The following IQGAP1 variants were observed in gnomAD, a reference collection of about 807,000 sequenced individuals.
IQGAP1 encodes the protein IQ motif containing GTPase activating protein 1.
IQGAP1 carries 66 observed loss-of-function variants against 215.6 expected under a neutral mutation model. The ratio of observed to expected loss-of-function variants is 0.31; its 90% CI spans 0.25 to 0.38. IQGAP1 has a LOEUF of 0.38. Ranked by LOEUF, IQGAP1 falls within the 10% of genes least tolerant of loss-of-function variation. The pLI is 1.00. For missense variants in IQGAP1, 1,712 were observed against 1,997.1 expected (o/e 0.86, Z 2.72); for synonymous variants, 772 against 728.7 (o/e 1.06, Z -0.96).
chr15:90,402,408 A>G (rs1272856258), intron 2 of IQGAP1, among the ~76,000 whole-genome samples: 1 of 152,212 alleles, frequency 6.6e-6, no homozygotes, highest in Admixed American at 6.5e-5. Context: ...AGGCCTGTCT[A>G]AAAGCTCTAT....
At chr15:90,396,623 A>G (rs538759142) in intron 2 of IQGAP1, among the ~76,000 whole-genome samples, 1 of 152,134 alleles carries the variant, frequency 6.6e-6, no homozygotes, top group East Asian at 1.9e-4. Context: ...GGTGACATAC[A>G]CTATTTTAAG....
rs776690353 is a variant in IQGAP1, at chr15:90,429,647, A to G, written c.371A>G (p.Asp124Gly). Residue 124 changes from aspartate (D) to glycine (G), a missense_variant, in exon 4 of 38, where the codon GAT (aspartate) becomes GGT (glycine). Asp to Gly is a moderately conservative substitution (Grantham distance 94). Coordinates refer to ENST00000268182, the MANE Select transcript of IQGAP1 (RefSeq NM_003870.4). ...DNVIQWLNAM[D>G]EIGLPKIFYP... ...GTGATTCAGTGGTTGAATGCCATGG[A>G]TGAGATTGGATTGCCTAAGGTAACT... The G allele has an allele frequency of 5.6e-6, 9 of 1,607,504 alleles. No homozygotes were observed. The highest frequency in any genetic ancestry group is 5.4e-5 in the African/African-American group (4 of 74,566).
In IQGAP1 at chr15:90,473,913, G is replaced by C; in HGVS notation, c.2451G>C (p.Arg817Ser). 6.2e-7 allele frequency: 1 copy of C among 1,613,878 alleles called. No individual in the cohort carries two copies. Among genetic ancestry groups the C allele is most frequent in the Non-Finnish European group, 8.5e-7 (1 of 1,179,984 alleles). ...TTCCACAGATTCAGTCCCTGGCAAGGATGCACCAAGCTCGAAAGCGCTATC... is the reference window on the plus strand; with the variant it reads ...TTCCACAGATTCAGTCCCTGGCAAGCATGCACCAAGCTCGAAAGCGCTATC... ...DEVVKIQSLARMHQARKRYRD... is the reference protein window; with the variant it reads ...DEVVKIQSLASMHQARKRYRD... Residue 817 changes from arginine (R) to serine (S), a missense_variant, in exon 21 of 38, where the codon AGG (arginine) becomes AGC (serine). Coordinates refer to ENST00000268182, the MANE Select transcript of IQGAP1 (RefSeq NM_003870.4).
intron 4 of IQGAP1, chr15:90,429,943 G>C (rs939952665): frequency 8.6e-6 from 2 of 231,298 alleles, no homozygotes; most frequent in Non-Finnish European, 1.7e-5. Context: ...TTTTTCCTTA[G>C]ATAGAATTCA....
At chr15:90,482,586 G>C in intron 28 of IQGAP1, 1 of 421,850 alleles carries the variant, frequency 2.4e-6, no homozygotes. Flanking sequence ...CTGGCGAATA[G>C]TAGCAGGCAC....
chr15:90,494,741 G>C lies in IQGAP1; in HGVS notation c.4657G>C (p.Gly1553Arg), dbSNP rs1427183643. The change falls in exon 36 of 38, where the codon GGA becomes CGA. Residue 1553 changes from glycine to arginine, a missense_variant. By Grantham distance (125) the Gly-to-Arg change is moderately radical. Transcript: ENST00000268182. ...KVSKKPREMKGKKSKKISLKY... is the reference protein window; with the variant it reads ...KVSKKPREMKRKKSKKISLKY... ...CTCCAAAAAGCCTAGGGAAATGAAA[G>C]GAAAGAAAAGCAAAAAGATTTCTCT... is the stretch of plus-strand genomic sequence containing the variant. 1 of 1,609,162 alleles carries C rather than the reference G, an allele frequency of 6.2e-7. No homozygotes were observed. Among genetic ancestry groups the C allele is most frequent in the Non-Finnish European group, 8.5e-7 (1 of 1,177,302 alleles).
rs535140097 is a variant in IQGAP1 at position 90,487,313 on chromosome 15, C to T, written c.4161-182C>T. On this transcript the variant is annotated intron_variant, in intron 32 of 37. Transcript: ENST00000268182. ...TGTAAATCTTGGAAATCCTAACCCT[C>T]GTACCTACTTATGGAATGGCTGGGT... 1.6e-3 allele frequency among the ~76,000 whole-genome samples: 239 copies of T among 152,278 alleles called. 2 individuals are homozygous for T. Among genetic ancestry groups the T allele is most frequent in the African/African-American group, 5.5e-3 (228 of 41,556 alleles).
intron 19 of IQGAP1, 125 bp downstream of exon 19, chr15:90,473,135 C>A: frequency 1.2e-6 from 1 of 839,778 alleles, no homozygotes; most frequent in Non-Finnish European, 1.9e-6. Context: ...CTTCTCTTTC[C>A]TTTGACAGGT....
intron 26 of IQGAP1, 63 bp from the exon 27 acceptor site, chr15:90,481,897 C>A: frequency 1.3e-6 from 2 of 1,561,060 alleles, no homozygotes; most frequent in South Asian, 1.1e-5. Context: ...AGATAAGACA[C>A]TTGCTTCAGG....
chr15:90,427,417 A>G (rs952999163), intron 3 of IQGAP1, among the ~76,000 whole-genome samples: 1 of 152,160 alleles, frequency 6.6e-6, no homozygotes, highest in Non-Finnish European at 1.5e-5. Context: ...TCAAGGTGCT[A>G]TAAAAAAGAA....
Position 90,476,658 on chromosome 15 carries a change from T to G in IQGAP1, c.2785-5T>G. On this transcript the variant is annotated splice_region_variant and splice_polypyrimidine_tract_variant and intron_variant, in intron 23 of 37. Coordinates refer to ENST00000268182, the MANE Select transcript of IQGAP1 (RefSeq NM_003870.4). ...TCTGATCTATTTATTGGTTTTTGTTTATAGGATGTGGTTTCCCACAGTAAA... is the reference window on the plus strand; with the variant it reads ...TCTGATCTATTTATTGGTTTTTGTTGATAGGATGTGGTTTCCCACAGTAAA... 3 of 1,568,100 alleles carry G rather than the reference T, an allele frequency of 1.9e-6. No homozygotes were observed. Among genetic ancestry groups the G allele is most frequent in the Non-Finnish European group, 2.6e-6 (3 of 1,163,884 alleles).
intron 2 of IQGAP1, among the ~76,000 whole-genome samples, chr15:90,401,553 T>C (rs1201242680): frequency 6.6e-6 from 1 of 152,226 alleles, no homozygotes; most frequent in Non-Finnish European, 1.5e-5. Flanking sequence ...CTCTTCCTCA[T>C]TGTCATGATT....
chr15:90,437,741 T>C (rs1369221005), intron 5 of IQGAP1, among the ~76,000 whole-genome samples: 1 of 152,098 alleles, frequency 6.6e-6, no homozygotes, highest in Non-Finnish European at 1.5e-5. Flanking sequence ...AGTCTTGCTA[T>C]GTTGCTCAAG....
chr15:90,485,626 G>T (rs779820561), intron 30 of IQGAP1, among the ~76,000 whole-genome samples: 1 of 152,016 alleles, frequency 6.6e-6, no homozygotes, highest in Non-Finnish European at 1.5e-5. Flanking sequence ...TTTTAGTAGA[G>T]ACAGGGTTTC....
intron 11 of IQGAP1, 60 bp from the exon 12 acceptor site, chr15:90,452,715 C>T (rs889930243): frequency 6.5e-7 from 1 of 1,542,782 alleles, no homozygotes; most frequent in Non-Finnish European, 8.8e-7. Flanking sequence ...AAGATTGGCA[C>T]CTTCTTCCCC....
At position 90,452,925 on chromosome 15, in the gene IQGAP1, G is replaced by T; in HGVS notation, c.1313G>T (p.Arg438Leu). ...LYQKELATLQRQSPEHNLTHP... is the reference protein window; with the variant it reads ...LYQKELATLQLQSPEHNLTHP... ...CAGAAGGAGCTGGCTACCCTGCAGC[G>T]ACAAAGTCCTGAAGTGAGTTCACTA... Residue 438 changes from arginine to leucine, a missense_variant, in exon 12 of 38, where the codon CGA becomes CTA. This residue lies in a region of IQGAP1 where 1,021 missense variants were observed against 1,074.2 expected (regional missense o/e 0.95). Transcript: ENST00000268182. 1.9e-6 allele frequency: 3 copies of T among 1,613,930 alleles called. No individual in the cohort carries two copies. Among genetic ancestry groups the T allele is most frequent in the Non-Finnish European group, 2.5e-6 (3 of 1,180,002 alleles).
At chr15:90,435,187 C>G (rs1207866882) in intron 5 of IQGAP1, among the ~76,000 whole-genome samples, 1 of 152,074 alleles carries the variant, frequency 6.6e-6, no homozygotes, top group Non-Finnish European at 1.5e-5. Flanking sequence ...AAATATGTGT[C>G]TGAGGCTGGG....
chr15:90,398,935 G>T (rs544518475), intron 2 of IQGAP1, among the ~76,000 whole-genome samples: 1 of 151,050 alleles, frequency 6.6e-6, no homozygotes, highest in African/African-American at 2.4e-5. Context: ...GAACTGGGAG[G>T]TGGAGGTTGC....
chr15:90,426,194 A>T lies in IQGAP1; in HGVS notation c.240A>T (p.Lys80Asn), dbSNP rs148447260. ...TTAGGAATGGGGTCTACCTTGCCAAACTGGGGAACTTCTTCTCTCCCAAAG... is the reference window on the plus strand; with the variant it reads ...TTAGGAATGGGGTCTACCTTGCCAATCTGGGGAACTTCTTCTCTCCCAAAG... ...EGLRNGVYLA[K>N]LGNFFSPKVV... is the part of the protein sequence containing the mutation. The change falls in exon 3 of 38, where the codon AAA becomes AAT. Residue 80 changes from lysine to asparagine, a missense_variant. Lys to Asn is a moderately conservative substitution (Grantham distance 94, BLOSUM62 0). Around this residue, in one of 2 missense-constraint regions of IQGAP1, gnomAD observed 1,021 missense variants for 1,074.2 expected, o/e 0.95. Coordinates refer to ENST00000268182, the MANE Select transcript of IQGAP1 (RefSeq NM_003870.4). 490 of 1,602,238 alleles carry T rather than the reference A, an allele frequency of 3.1e-4. No homozygotes were observed. Among genetic ancestry groups the T allele is most frequent in the Non-Finnish European group, 3.7e-4 (437 of 1,176,142 alleles).
Sources: allele counts gnomAD v4.1 joint callset (sites outside exome capture counted in the v4.1 genomes callset), GRCh38; gene constraint gnomAD v4.1.1; regional missense constraint gnomAD v4.1.1; transcripts MANE v1.5; gene names NCBI Gene and HGNC (gene_info 2026-07-23, HGNC 2026-07-21).